Variants in PTPRD observed in about 807,000 individuals in gnomAD.
The protein encoded by PTPRD is receptor-type tyrosine-protein phosphatase delta.
Under a neutral mutation model 214.5 loss-of-function variants are expected in PTPRD, and 34 were observed. The observed-to-expected ratio is 0.16, with a 90% CI of 0.12 to 0.21. The LOEUF is 0.21. Among genes scored for constraint, PTPRD ranks in the 10% least tolerant of loss-of-function variants. The pLI, the probability that PTPRD is intolerant of heterozygous loss-of-function variation, is 1.00. For synonymous variants in PTPRD, 1,128 were observed against 845.7 expected, an observed-to-expected ratio of 1.33 and a Z score of -5.79; for missense variants, 2,545 against 2,398.7, an observed-to-expected ratio of 1.06 and a Z score of -1.27.
chr9:8,676,979 T>C (rs2097435195), intron 12 of PTPRD, among the ~76,000 whole-genome samples: 1 of 152,160 alleles, frequency 6.6e-6, no homozygotes. Context: ...AATGAACGAA[T>C]AAAGTGAATA....
At position 8,341,773 on chromosome 9, in the gene PTPRD, T is replaced by C. The variant is rs761130552; in HGVS notation, c.4867A>G (p.Arg1623Gly). 5 of 1,613,654 alleles carry C rather than the reference T, an allele frequency of 3.1e-6. No homozygotes were observed. The highest frequency in any genetic ancestry group is 4.2e-6 in the Non-Finnish European group (5 of 1,179,724). Residue 1623 changes from arginine to glycine, a missense_variant, in exon 40 of 46, where the codon AGA (arginine) becomes GGA (glycine). Arg to Gly is a moderately radical substitution (Grantham distance 125). Coordinates refer to ENST00000381196, the MANE Select transcript of PTPRD (RefSeq NM_002839.4). Reference sequence around the variant, plus strand: ...TTCTGAATGTAGGCATACAAGTTTCTAGCTGGCACTTCGGTATTTCCACAA... The same window carrying C: ...TTCTGAATGTAGGCATACAAGTTTCCAGCTGGCACTTCGGTATTTCCACAA... The part of the protein sequence containing the change: ...VTCGNTEVPA[R>G]NLYAYIQKLT...
intron 2 of PTPRD, among the ~76,000 whole-genome samples, chr9:10,441,723 C>T (rs1353031271): frequency 6.6e-6 from 1 of 151,538 alleles, no homozygotes; most frequent in African/African-American, 2.4e-5. Context: ...GTATCTGGCA[C>T]ATACAGCAGG....
At chr9:9,059,891 A>G (rs2099703946) in intron 10 of PTPRD, among the ~76,000 whole-genome samples, 1 of 152,186 alleles carries the variant, frequency 6.6e-6, no homozygotes, top group Non-Finnish European at 1.5e-5. Flanking sequence ...CATTTTGAAG[A>G]GAAACAGAAT....
chr9:9,075,560 C>T (rs1184031269), intron 10 of PTPRD, among the ~76,000 whole-genome samples: 10 of 152,152 alleles, frequency 6.6e-5, no homozygotes, highest in Admixed American at 4.6e-4. Context: ...ATCCCTCCCC[C>T]ATCCCCCACC....
chr9:10,394,718 A>G (rs1310862410), intron 2 of PTPRD, among the ~76,000 whole-genome samples: 2 of 151,898 alleles, frequency 1.3e-5, no homozygotes, highest in East Asian at 3.9e-4. Context: ...ATTTACTTTA[A>G]ATAGTAAATG....
chr9:8,815,419 G>A (rs1172018067), intron 11 of PTPRD, among the ~76,000 whole-genome samples: 3 of 152,128 alleles, frequency 2.0e-5, no homozygotes, highest in Non-Finnish European at 4.4e-5. Context: ...CCAATAGTTT[G>A]TTTAACCAGC....
At chr9:10,576,588 AG>A (rs933888393) in intron 2 of PTPRD, among the ~76,000 whole-genome samples, 2 of 152,132 alleles carry the variant, frequency 1.3e-5, no homozygotes, top group African/African-American at 4.8e-5. Flanking sequence ...CATTTGATAA[AG>A]GTTGACTGAT....
At chr9:10,394,457 C>A (rs796705172) in intron 2 of PTPRD, among the ~76,000 whole-genome samples, 2 of 151,566 alleles carry the variant, frequency 1.3e-5, no homozygotes, top group African/African-American at 4.8e-5. Context: ...CACTTAGTAG[C>A]AGTATGATCT....
chr9:8,352,008 G>A (rs1031273047), intron 39 of PTPRD, among the ~76,000 whole-genome samples: 1 of 151,296 alleles, frequency 6.6e-6, no homozygotes, highest in Non-Finnish European at 1.5e-5. Flanking sequence ...TCCATGCTGG[G>A]TGAAAAGGTA....
rs1356233940 is a variant in PTPRD at position 9,276,455 on chromosome 9, G to C, written c.-202-93092C>G. Among the ~76,000 whole-genome samples, 10 of 151,300 alleles carry C rather than the reference G, an allele frequency of 6.6e-5. No homozygotes were observed. The South Asian group carries it at 2.1e-3, about 31-fold the overall frequency. Reference sequence around the variant, plus strand: ...GGTAATGGGCAAGGTGGTTTTCTCAGAGATGGTCTTGGCAATTAGATGGCA... The same window carrying C: ...GGTAATGGGCAAGGTGGTTTTCTCACAGATGGTCTTGGCAATTAGATGGCA... On this transcript the variant is annotated intron_variant, in intron 9 of 45. Transcript: ENST00000381196.
chr9:9,196,398 A>G (rs1240634284), intron 9 of PTPRD, among the ~76,000 whole-genome samples: 61 of 152,176 alleles, frequency 4.0e-4, no homozygotes, highest in Admixed American at 4.0e-3. Context: ...AATGAACAAC[A>G]CAGTATCTCT....
chr9:8,388,084 T>G (rs1170391782), intron 37 of PTPRD, among the ~76,000 whole-genome samples: 2 of 152,228 alleles, frequency 1.3e-5, no homozygotes, highest in Admixed American at 6.5e-5. Context: ...CTTTTTAGTT[T>G]TGCTAAACCA....
chr9:10,440,056 G>T (rs1403354495), intron 2 of PTPRD, among the ~76,000 whole-genome samples: 1 of 150,990 alleles, frequency 6.6e-6, no homozygotes, highest in African/African-American at 2.4e-5. Flanking sequence ...TATAAATTTT[G>T]CATCTACTAA....
intron 4 of PTPRD, among the ~76,000 whole-genome samples, chr9:9,955,440 T>C (rs890261239): frequency 1.3e-5 from 2 of 152,188 alleles, no homozygotes; most frequent in Non-Finnish European, 2.9e-5. Context: ...GTTTGTTATA[T>C]ATCAATTTGG....
At chr9:9,068,811 T>C (rs1000095533) in intron 10 of PTPRD, among the ~76,000 whole-genome samples, 16 of 151,996 alleles carry the variant, frequency 1.1e-4, no homozygotes, top group African/African-American at 3.1e-4. Flanking sequence ...GGGGTTTCAC[T>C]ATGTTGGCCA....
chr9:8,779,038 C>G (rs9299073), intron 11 of PTPRD, among the ~76,000 whole-genome samples: 30,133 of 151,922 alleles, frequency 0.2, 3,225 homozygotes, highest in African/African-American at 0.28. Context: ...AAACGTAAAG[C>G]TCAAAGGGAA....
chr9:10,444,697 T>G (rs573947216), intron 2 of PTPRD, among the ~76,000 whole-genome samples: 9 of 148,956 alleles, frequency 6.0e-5, no homozygotes, highest in African/African-American at 2.2e-4. Context: ...CCATGAGATA[T>G]AACAAAGACA....
At chr9:9,065,745 C>G (rs2099728898) in intron 10 of PTPRD, among the ~76,000 whole-genome samples, 1 of 152,054 alleles carries the variant, frequency 6.6e-6, no homozygotes, top group African/African-American at 2.4e-5. Context: ...AAATTCTCTT[C>G]CTTGAAATGA....
At position 9,838,888 on chromosome 9, in the gene PTPRD, T is replaced by G. The variant is rs1029576790; in HGVS notation, c.-367-72037A>C. ...ATGCCTAGGTTTTCTTCTAGGATTT[T>G]TATGGTTTTAGGTCTAATGTTTAAG... is the stretch of plus-strand genomic sequence containing the variant. On this transcript the variant is annotated intron_variant, in intron 5 of 45. Coordinates refer to ENST00000381196, the MANE Select transcript of PTPRD (RefSeq NM_002839.4). Among the ~76,000 whole-genome samples, 857 of 152,282 alleles carry G rather than the reference T, an allele frequency of 5.6e-3. 4 individuals are homozygous for G. The highest frequency in any genetic ancestry group is 0.02 in the African/African-American group (815 of 41,542).
Sources: gnomAD v4.1 joint callset for allele counts (sites outside exome capture counted in the v4.1 genomes callset) on GRCh38, gnomAD v4.1.1 for gene constraint, MANE v1.5 for transcripts, NCBI Gene and HGNC (gene_info 2026-07-23, HGNC 2026-07-21) for gene names.